SMARCB1: variants seen among roughly 807,000 people sequenced by gnomAD.
The protein encoded by SMARCB1 is SWI/SNF-related matrix-associated actin-dependent regulator of chromatin subfamily B member 1.
SMARCB1 carries 5 observed loss-of-function variants against 49.0 expected under a neutral mutation model. The observed-to-expected ratio is 0.10, with a 90% CI of 0.05 to 0.21. The LOEUF is 0.21. Among genes scored for constraint, SMARCB1 ranks in the 10% least tolerant of loss-of-function variants. The probability of loss-of-function intolerance (pLI) is 1.00; values close to 1 mark genes in which losing one functional copy is unlikely to be tolerated. For synonymous variants in SMARCB1, 201 were observed against 200.1 expected (o/e 1.00, Z -0.04); for missense variants, 226 against 509.2 (o/e 0.44, Z 5.35).
intron 3 of SMARCB1, among the ~76,000 whole-genome samples, chr22:23,793,967 A>G (rs2145965495): frequency 6.6e-6 from 1 of 151,774 alleles, no homozygotes; most frequent in South Asian, 2.1e-4. Context: ...TCTTTGAGAC[A>G]GAGTTTCACT....
At chr22:23,809,812 C>T (rs899102109) in intron 5 of SMARCB1, among the ~76,000 whole-genome samples, 16 of 152,052 alleles carry the variant, frequency 1.1e-4, no homozygotes, top group African/African-American at 3.6e-4. Context: ...AATCCTGTAC[C>T]CAGTGACAAT....
intron 3 of SMARCB1, among the ~76,000 whole-genome samples, chr22:23,798,678 G>A (rs1928925466): frequency 6.6e-6 from 1 of 152,146 alleles, no homozygotes; most frequent in Non-Finnish European, 1.5e-5. Flanking sequence ...CTTGGCCATT[G>A]CTTCTGCCCT....
intron 7 of SMARCB1, among the ~76,000 whole-genome samples, chr22:23,831,389 C>G (rs1257059852): frequency 6.6e-6 from 1 of 152,208 alleles, no homozygotes; most frequent in Non-Finnish European, 1.5e-5. Flanking sequence ...ATCTTTGTCC[C>G]CACCTGGACA....
chr22:23,828,250 A>G (rs1028430583), intron 7 of SMARCB1, among the ~76,000 whole-genome samples: 3 of 151,830 alleles, frequency 2.0e-5, no homozygotes, highest in Non-Finnish European at 4.4e-5. Context: ...ACGGGGTTTC[A>G]CCGTATTAGC....
chr22:23,821,626 GATT>G (rs2030091710), intron 6 of SMARCB1, among the ~76,000 whole-genome samples: 2 of 152,134 alleles, frequency 1.3e-5, no homozygotes, highest in African/African-American at 4.8e-5. Context: ...GAGGTGGGCA[GATT>G]GCCTGAGCTC....
chr22:23,793,403 C>G, intron 2 of SMARCB1, 156 bp from the exon 3 acceptor site: 1 of 803,298 alleles, frequency 1.2e-6, no homozygotes, highest in Non-Finnish European at 2.2e-6. Context: ...TCCAGATTGC[C>G]CTTTTGGAAG....
In SMARCB1 at chr22:23,834,463, G is replaced by C. The variant is rs932320422; in HGVS notation, c.*283G>C. 3 of 680,012 alleles carry C rather than the reference G, an allele frequency of 4.4e-6. No individual in the cohort carries two copies. The highest frequency in any genetic ancestry group is 7.9e-6 in the Non-Finnish European group (3 of 379,904). The allele number at this position is 680,012 out of a possible 1,614,324, so 42.1% of individuals were successfully genotyped here. Reference sequence around the variant, plus strand: ...TGTTTTTGTATAGGAGCCCCAGGCAGGGCTAGTAACAGTTTTTAAATAAAA... The same window carrying C: ...TGTTTTTGTATAGGAGCCCCAGGCACGGCTAGTAACAGTTTTTAAATAAAA... On this transcript the variant is annotated 3_prime_UTR_variant, in exon 9 of 9. Coordinates refer to ENST00000644036, the MANE Select transcript of SMARCB1 (RefSeq NM_003073.5).
intron 2 of SMARCB1, chr22:23,792,647 C>G (rs1277266158): frequency 6.4e-6 from 1 of 157,400 alleles, no homozygotes; most frequent in African/African-American, 2.4e-5. Flanking sequence ...GTAGTCTGCC[C>G]TGTTTGTTTG....
rs768933870 is a variant in SMARCB1 at position 23,837,187 on chromosome 22, T to C, written c.*3007T>C. On this transcript the variant is annotated 3_prime_UTR_variant, in exon 9 of 9. Transcript: ENST00000644036. ...ACAGCCACGGACTGTGGGGTCACCC[T>C]CCACAGCCCAGAGTCCTAGACCAGC... 1 of 1,611,154 alleles carries C rather than the reference T, an allele frequency of 6.2e-7. No individual in the cohort carries two copies. Among genetic ancestry groups the C allele is most frequent in the Admixed American group, 1.7e-5 (1 of 59,600 alleles).
At chr22:23,789,478 G>A (rs1294065117) in intron 1 of SMARCB1, among the ~76,000 whole-genome samples, 1 of 152,230 alleles carries the variant, frequency 6.6e-6, no homozygotes. Flanking sequence ...GCGTGGCCAA[G>A]TGGGAAGAAC....
At chr22:23,799,657 T>C (rs5760026) in intron 3 of SMARCB1, among the ~76,000 whole-genome samples, 131,745 of 143,808 alleles carry the variant, frequency 0.92, 60,500 homozygotes, top group Middle Eastern at 0.96. Context: ...AGATTACAGG[T>C]TCCTGCCATC....
intron 3 of SMARCB1, among the ~76,000 whole-genome samples, chr22:23,799,875 G>A (rs1421170421): frequency 5.9e-5 from 9 of 151,622 alleles, no homozygotes; most frequent in South Asian, 4.2e-4. Context: ...TAGTAGAGAC[G>A]GGCTTTCACC....
intron 3 of SMARCB1, 88 bp from the exon 4 acceptor site, chr22:23,800,856 G>A (rs1441326155): frequency 2.2e-5 from 22 of 1,022,982 alleles, no homozygotes; most frequent in Non-Finnish European, 2.5e-5. Flanking sequence ...CAGAGGTACA[G>A]TGGGCATCCC....
intron 3 of SMARCB1, among the ~76,000 whole-genome samples, chr22:23,798,665 G>A (rs1029112501): frequency 6.6e-5 from 10 of 152,262 alleles, no homozygotes; most frequent in African/African-American, 2.2e-4. Context: ...AGTCCAGGCA[G>A]GTCTTGGCCA....
chr22:23,807,300 G>T (rs11703080), intron 5 of SMARCB1, among the ~76,000 whole-genome samples: 19,147 of 152,104 alleles, frequency 0.13, 1,294 homozygotes, highest in South Asian at 0.28. Flanking sequence ...CTTGTTTTGG[G>T]CTCTAAAAAA....
chr22:23,837,594 C>T lies in SMARCB1; in HGVS notation c.*3414C>T. 6.5e-7 allele frequency: 1 copy of T among 1,534,716 alleles called. No individual in the cohort carries two copies. Among genetic ancestry groups the T allele is most frequent in the Non-Finnish European group, 8.8e-7 (1 of 1,130,270 alleles). On this transcript the variant is annotated 3_prime_UTR_variant, in exon 9 of 9. Transcript: ENST00000644036. ...CAAGGATGGGAGAGGGGCCCCAGGGCATAAGCAGCGTGTCCTGAGGGGAGT... is the reference window on the plus strand; with the variant it reads ...CAAGGATGGGAGAGGGGCCCCAGGGTATAAGCAGCGTGTCCTGAGGGGAGT...
At chr22:23,801,226 TTG>T (rs1263179681) in intron 4 of SMARCB1, 145 bp downstream of exon 4, 2 of 1,171,924 alleles carry the variant, frequency 1.7e-6, no homozygotes, top group Admixed American at 3.9e-5. Flanking sequence ...CTTTGAACTG[TTG>T]TGTTTCCCTG....
chr22:23,824,035 A>G (rs1028909463), intron 6 of SMARCB1: 1 of 152,282 alleles, frequency 6.6e-6, no homozygotes, highest in Non-Finnish European at 1.5e-5. Flanking sequence ...AGGGTGTGGA[A>G]AGGGGCTGAT....
rs1601433292 is a variant in SMARCB1 at position 23,825,230 on chromosome 22, C to T, written c.801C>T (p.Asn267=). The change falls in exon 7 of 9, where the codon AAC becomes AAT. Residue 267 remains asparagine, a synonymous_variant. Coordinates refer to ENST00000644036, the MANE Select transcript of SMARCB1 (RefSeq NM_003073.5). ...TCCTTTGGTTGTTGCCTCAGCTGAA[C>T]ATCCATGTGGGAAACATTTCCCTGG... is the stretch of plus-strand genomic sequence containing the variant. ...QSDQRVIIKL[N]IHVGNISLVD... 2 of 1,613,938 alleles carry T rather than the reference C, an allele frequency of 1.2e-6. No homozygotes were observed. Among genetic ancestry groups the T allele is most frequent in the East Asian group, 2.2e-5 (1 of 44,876 alleles).
Sources: allele counts gnomAD v4.1 joint callset (sites outside exome capture counted in the v4.1 genomes callset), GRCh38; gene constraint gnomAD v4.1.1; transcripts MANE v1.5; gene names NCBI Gene and HGNC (gene_info 2026-07-23, HGNC 2026-07-21).